Variants in EFCAB6 observed in about 807,000 individuals in gnomAD.
EFCAB6 encodes EF-hand calcium-binding domain-containing protein 6.
Under a neutral mutation model 169.8 loss-of-function variants are expected in EFCAB6, and 156 were observed. That is an observed-to-expected ratio of 0.92 (90% confidence interval 0.81 to 1.05). The LOEUF (loss-of-function observed/expected upper bound fraction) is 1.05. Ranked by LOEUF, EFCAB6 falls within the 50% of genes least tolerant of loss-of-function variation. The pLI, the probability that EFCAB6 is intolerant of heterozygous loss-of-function variation, is 0.00. For synonymous variants in EFCAB6, 698 were observed against 676.4 expected, an observed-to-expected ratio of 1.03 and a Z score of -0.50; for missense variants, 1,800 against 1,829.1, an observed-to-expected ratio of 0.98 and a Z score of 0.29.
At chr22:43,781,523 C>T (rs1354332282) in intron 3 of EFCAB6, among the ~76,000 whole-genome samples, 1 of 152,050 alleles carries the variant, frequency 6.6e-6, no homozygotes, top group African/African-American at 2.4e-5. Flanking sequence ...GAGACAAGGT[C>T]TTACTATGTT....
chr22:43,604,059 CCT>C (rs1491486059), intron 22 of EFCAB6, among the ~76,000 whole-genome samples: 35 of 152,232 alleles, frequency 2.3e-4, no homozygotes, highest in African/African-American at 8.4e-4. Flanking sequence ...GCGCTGGCTC[CCT>C]TTTTTTTTCC....
In EFCAB6 at chr22:43,528,912, C is replaced by T. The variant is rs1242301493; in HGVS notation, c.4447G>A (p.Asp1483Asn). ...GAGATTTTTGAAGACAGCGTCTTAT[C>T]GTAATACTCCAGAATATGGAAGAAC... ...EEFFHILEYY[D>N]KTLSSKISYN... The change falls in exon 32 of 32, where the codon GAT (aspartate) becomes AAT (asparagine). Residue 1483 changes from aspartate (D) to asparagine (N), a missense_variant. Physicochemically the swap from Asp to Asn is conservative, Grantham distance 23 (BLOSUM62 1). Coordinates refer to ENST00000262726, the MANE Select transcript of EFCAB6 (RefSeq NM_022785.4). The T allele has an allele frequency of 1.2e-5, 19 of 1,611,118 alleles. No individual in the cohort carries two copies. Among genetic ancestry groups the T allele is most frequent in the Admixed American group, 1.7e-5 (1 of 59,972 alleles).
At chr22:43,721,298 C>T (rs984416486) in intron 8 of EFCAB6, among the ~76,000 whole-genome samples, 1 of 152,200 alleles carries the variant, frequency 6.6e-6, no homozygotes, top group Non-Finnish European at 1.5e-5. Flanking sequence ...AATGGCCATA[C>T]TGCCCAAAGC....
intron 2 of EFCAB6, among the ~76,000 whole-genome samples, chr22:43,797,992 T>C (rs1482952185): frequency 6.6e-6 from 1 of 152,214 alleles, no homozygotes; most frequent in African/African-American, 2.4e-5. Flanking sequence ...GTTCTCACAC[T>C]TGAGTGGACA....
At chr22:43,680,551 T>G (rs1248966912) in intron 12 of EFCAB6, among the ~76,000 whole-genome samples, 1 of 152,176 alleles carries the variant, frequency 6.6e-6, no homozygotes, top group Non-Finnish European at 1.5e-5. Context: ...TGGAGAGAAC[T>G]GTCATCTTAA....
At chr22:43,722,406 C>A (rs2059566953) in intron 8 of EFCAB6, among the ~76,000 whole-genome samples, 4 of 152,048 alleles carry the variant, frequency 2.6e-5, no homozygotes, top group Middle Eastern at 3.4e-3. Flanking sequence ...TGGCATGCGC[C>A]TGTAATCCCA....
At chr22:43,625,813 A>G (rs1454365855) in intron 20 of EFCAB6, among the ~76,000 whole-genome samples, 2 of 152,250 alleles carry the variant, frequency 1.3e-5, no homozygotes, top group African/African-American at 4.8e-5. Context: ...GGAGGTGAAG[A>G]GGAGGTAGGA....
intron 26 of EFCAB6, among the ~76,000 whole-genome samples, chr22:43,569,603 G>A (rs933516733): frequency 1.3e-4 from 20 of 152,188 alleles, no homozygotes; most frequent in African/African-American, 4.8e-4. Context: ...GGTGGCCTGC[G>A]ATAATACTCC....
chr22:43,636,455 G>A (rs779597335), intron 17 of EFCAB6, among the ~76,000 whole-genome samples: 1 of 152,042 alleles, frequency 6.6e-6, no homozygotes, highest in Non-Finnish European at 1.5e-5. Flanking sequence ...GGCTCCACAC[G>A]GATCTCATTT....
intron 13 of EFCAB6, among the ~76,000 whole-genome samples, chr22:43,672,915 G>A (rs2057556617): frequency 1.3e-5 from 2 of 151,964 alleles, no homozygotes; most frequent in African/African-American, 4.8e-5. Flanking sequence ...TTCACTTAAG[G>A]AAAAGTACAA....
intron 22 of EFCAB6, among the ~76,000 whole-genome samples, chr22:43,604,620 C>A (rs2147579731): frequency 6.6e-6 from 1 of 152,274 alleles, no homozygotes; most frequent in East Asian, 1.9e-4. Context: ...ACCAGCCAGG[C>A]ACCGAGTAGG....
Position 43,626,586 on chromosome 22 carries a change from T to A in EFCAB6, c.2326A>T (p.Asn776Tyr), listed in dbSNP as rs199906045. ...CGCTCAAACTCGTCGTCTTTGAGAT[T>A]AAGCAGTAGATGCAGGAGCAGTCTG... ...LHRLLLHLLLNLKDDEFERFL... is the reference protein window; with the variant it reads ...LHRLLLHLLLYLKDDEFERFL... Residue 776 changes from asparagine to tyrosine, a missense_variant, in exon 20 of 32, where the codon AAT becomes TAT. Coordinates refer to ENST00000262726, the MANE Select transcript of EFCAB6 (RefSeq NM_022785.4). 9.3e-6 allele frequency: 15 copies of A among 1,614,250 alleles called. No homozygotes were observed. The African/African-American group carries it at 1.1e-4, about 11-fold the overall frequency.
intron 5 of EFCAB6, among the ~76,000 whole-genome samples, chr22:43,762,674 G>A (rs2061204731): frequency 6.6e-6 from 1 of 152,140 alleles, no homozygotes. Flanking sequence ...ATCTTTCAAA[G>A]TTAGTTTAAA....
intron 26 of EFCAB6, among the ~76,000 whole-genome samples, chr22:43,556,917 T>C (rs1296165107): frequency 1.3e-5 from 2 of 152,244 alleles, no homozygotes; most frequent in Non-Finnish European, 2.9e-5. Flanking sequence ...ATTCAAACAG[T>C]TGCAAATGCA....
At chr22:43,574,225 CAG>C (rs1340229599) in intron 26 of EFCAB6, among the ~76,000 whole-genome samples, 1 of 151,470 alleles carries the variant, frequency 6.6e-6, no homozygotes, top group Non-Finnish European at 1.5e-5. Flanking sequence ...CTTTAAGTGA[CAG>C]GGTACAATTT....
Position 43,772,873 on chromosome 22 carries a change from T to C in EFCAB6, c.351+19A>G. 1 of 1,613,118 alleles carries C rather than the reference T, an allele frequency of 6.2e-7. No individual in the cohort carries two copies. Among genetic ancestry groups the C allele is most frequent in the Non-Finnish European group, 8.5e-7 (1 of 1,179,184 alleles). On this transcript the variant is annotated intron_variant, in intron 4 of 31. Coordinates refer to ENST00000262726, the MANE Select transcript of EFCAB6 (RefSeq NM_022785.4). Reference sequence around the variant, plus strand: ...TTGTCTGGAATTGAGGGATTCTAAGTATGTACAACATACAGCACCTGAGCC... The same window carrying C: ...TTGTCTGGAATTGAGGGATTCTAAGCATGTACAACATACAGCACCTGAGCC...
In EFCAB6 at chr22:43,554,884, G is replaced by C. The variant is rs200693864; in HGVS notation, c.3633C>G (p.Ile1211Met). ...CGTTTCTTACCTGTTCGTCCGTCAG[G>C]ATTTGGACGCGGCGATTACAAATGG... ...FRAICNRRVQILTDEQFDRLW... is the reference protein window; with the variant it reads ...FRAICNRRVQMLTDEQFDRLW... Residue 1211 changes from isoleucine (I) to methionine (M), a missense_variant, in exon 27 of 32, where the codon ATC becomes ATG. Coordinates refer to ENST00000262726, the MANE Select transcript of EFCAB6 (RefSeq NM_022785.4). 2.0e-5 allele frequency: 32 copies of C among 1,614,214 alleles called. No homozygotes were observed. Among genetic ancestry groups the C allele is most frequent in the Non-Finnish European group, 2.5e-5 (30 of 1,180,040 alleles).
At chr22:43,773,492 T>C (rs1182140538) in intron 3 of EFCAB6, among the ~76,000 whole-genome samples, 1 of 152,244 alleles carries the variant, frequency 6.6e-6, no homozygotes, top group Non-Finnish European at 1.5e-5. Context: ...ATGTAATTCT[T>C]AAACCCAGAC....
At chr22:43,712,954 C>G (rs1260370360) in intron 9 of EFCAB6, among the ~76,000 whole-genome samples, 1 of 152,022 alleles carries the variant, frequency 6.6e-6, no homozygotes, top group Non-Finnish European at 1.5e-5. Flanking sequence ...AAAATGCAAG[C>G]AATTCAGCAA....
Sources: allele counts gnomAD v4.1 joint callset (sites outside exome capture counted in the v4.1 genomes callset), GRCh38; gene constraint gnomAD v4.1.1; transcripts MANE v1.5; gene names NCBI Gene and HGNC (gene_info 2026-07-23, HGNC 2026-07-21).